The following IGSF11 variants were observed in gnomAD, a reference collection of about 807,000 sequenced individuals.
IGSF11 encodes the protein CXADR like 1.
In IGSF11, 22 loss-of-function variants were observed where a neutral mutation model predicts 41.0. The ratio of observed to expected loss-of-function variants is 0.54; its 90% confidence interval spans 0.38 to 0.77. The LOEUF (loss-of-function observed/expected upper bound fraction) is 0.77, where lower values mean the gene tolerates loss of function less well. Ranked by LOEUF, IGSF11 falls within the 30% of genes least tolerant of loss-of-function variation. The probability of loss-of-function intolerance (pLI) is 0.00; values close to 1 mark genes in which losing one functional copy is unlikely to be tolerated. For missense variants in IGSF11, 444 were observed against 530.8 expected, an observed-to-expected ratio of 0.84 and a Z score of 1.61; for synonymous variants, 219 against 201.3, an observed-to-expected ratio of 1.09 and a Z score of -0.74.
At chr3:119,101,471 C>T (rs1254963679) in intron 1 of IGSF11, among the ~76,000 whole-genome samples, 1 of 152,060 alleles carries the variant, frequency 6.6e-6, no homozygotes, top group African/African-American at 2.4e-5. Context: ...ATCATCCCAT[C>T]CCGCACTCCA....
At chr3:119,001,556 G>C (rs1479263760) in intron 1 of IGSF11, among the ~76,000 whole-genome samples, 1 of 141,620 alleles carries the variant, frequency 7.1e-6, no homozygotes, top group East Asian at 2.1e-4. Flanking sequence ...GTGCCATGCT[G>C]GTGCGCTGCA....
chr3:118,902,477 G>T lies in IGSF11; in HGVS notation c.*43C>A. On this transcript the variant is annotated 3_prime_UTR_variant, in exon 7 of 7. Coordinates refer to ENST00000393775, the MANE Select transcript of IGSF11 (RefSeq NM_001015887.3). ...ACCCCACCCTCCCCCTTGTATGAGG[G>T]CATTCCATTTATTCATTTCTGAACA... 5 of 1,092,568 alleles carry T rather than the reference G, an allele frequency of 4.6e-6. No individual in the cohort carries two copies. Among genetic ancestry groups the T allele is most frequent in the Non-Finnish European group, 6.9e-6 (5 of 723,816 alleles). 67.7% of individuals were successfully genotyped at this position (1,092,568 alleles called of 1,614,324 possible).
chr3:119,085,907 A>T (rs2076663389), intron 1 of IGSF11, among the ~76,000 whole-genome samples: 1 of 152,246 alleles, frequency 6.6e-6, no homozygotes, highest in African/African-American at 2.4e-5. Context: ...GAAGGGTTTT[A>T]TTGAAAATGA....
chr3:118,907,435 A>G (rs895767268), intron 4 of IGSF11, among the ~76,000 whole-genome samples: 13 of 152,182 alleles, frequency 8.5e-5, no homozygotes, highest in Non-Finnish European at 1.9e-4. Flanking sequence ...AATAAGTGCC[A>G]GCCAGTGCTA....
chr3:119,137,419 A>G (rs975673017), intron 1 of IGSF11, among the ~76,000 whole-genome samples: 3 of 152,220 alleles, frequency 2.0e-5, no homozygotes, highest in Non-Finnish European at 4.4e-5. Context: ...AAATCTATAC[A>G]TCTACAATGA....
intron 1 of IGSF11, among the ~76,000 whole-genome samples, chr3:118,937,931 G>A (rs1434666473): frequency 1.3e-5 from 2 of 151,660 alleles, no homozygotes; most frequent in Non-Finnish European, 2.9e-5. Flanking sequence ...CCATCCCAAG[G>A]GCAAAGAGCA....
upstream of IGSF11, among the ~76,000 whole-genome samples, chr3:119,108,222 A>C (rs199693819): frequency 0.057 from 4,467 of 78,060 alleles, no homozygotes; most frequent in Middle Eastern, 0.13. Context: ...ACCCATGAGC[A>C]TGGAATGTTC....
intron 1 of IGSF11, among the ~76,000 whole-genome samples, chr3:118,982,882 T>C (rs1158006320): frequency 6.6e-6 from 1 of 152,228 alleles, no homozygotes; most frequent in Non-Finnish European, 1.5e-5. Context: ...TACAATGTCC[T>C]ATATGCATTC....
chr3:118,936,503 T>A (rs962952854), intron 1 of IGSF11, among the ~76,000 whole-genome samples: 1 of 138,640 alleles, frequency 7.2e-6, no homozygotes, highest in Non-Finnish European at 1.5e-5. Context: ...TGAGATTTCA[T>A]CTCAAAAAAA....
chr3:118,938,793 CAGT>C (rs1295850768), intron 1 of IGSF11, among the ~76,000 whole-genome samples: 54 of 152,246 alleles, frequency 3.5e-4, no homozygotes, highest in African/African-American at 1.1e-3. Flanking sequence ...TTTGGGAAAG[CAGT>C]AGCATGTGAA....
At chr3:118,993,388 CTG>C (rs1446931362) in intron 1 of IGSF11, among the ~76,000 whole-genome samples, 22 of 152,282 alleles carry the variant, frequency 1.4e-4, no homozygotes, top group Admixed American at 1.4e-3. Flanking sequence ...TATGGAGAAA[CTG>C]GAGCTTTCAG....
At chr3:118,905,298 A>G (rs1413216357) in intron 5 of IGSF11, among the ~76,000 whole-genome samples, 1 of 152,252 alleles carries the variant, frequency 6.6e-6, no homozygotes, top group Non-Finnish European at 1.5e-5. Flanking sequence ...AAGTCTTACT[A>G]TACTCATAAG....
intron 1 of IGSF11, among the ~76,000 whole-genome samples, chr3:119,034,100 C>T (rs1324056614): frequency 2.0e-5 from 3 of 152,178 alleles, no homozygotes; most frequent in Admixed American, 2.0e-4. Context: ...TAAAAGGTTA[C>T]GTTAAAGCTA....
chr3:119,051,106 G>C (rs188986036), intron 1 of IGSF11, among the ~76,000 whole-genome samples: 2,589 of 151,106 alleles, frequency 0.017, 30 homozygotes, highest in Non-Finnish European at 0.027. Flanking sequence ...TGTAACTAAC[G>C]TGCACAATGT....
chr3:119,063,919 G>C (rs916196954), intron 1 of IGSF11, among the ~76,000 whole-genome samples: 3 of 152,216 alleles, frequency 2.0e-5, no homozygotes, highest in Non-Finnish European at 4.4e-5. Context: ...CTGCATTTTA[G>C]CAAATGAGCT....
rs147053288 is a variant in IGSF11, at chr3:118,902,931, A to G, written c.885T>C (p.Ser295=). The change falls in exon 7 of 7, where the codon TCT becomes TCC. Residue 295 remains serine, a synonymous_variant. Coordinates refer to ENST00000393775, the MANE Select transcript of IGSF11 (RefSeq NM_001015887.3). The part of the protein sequence containing the change: ...REDDLPPKCS[S]AKAFHTEISS... ...AAATCTCAGTGTGAAATGCTTTGGCAGAAGAACACTTGGGTGGAAGATCAT... is the reference window on the plus strand; with the variant it reads ...AAATCTCAGTGTGAAATGCTTTGGCGGAAGAACACTTGGGTGGAAGATCAT... 1.2e-6 allele frequency: 2 copies of G among 1,613,898 alleles called. No individual in the cohort carries two copies. Among genetic ancestry groups the G allele is most frequent in the African/African-American group, 2.7e-5 (2 of 74,930 alleles).
chr3:118,900,747 C>T lies in IGSF11; in HGVS notation c.*1773G>A, dbSNP rs1012284361. The T allele has an allele frequency of 2.6e-5, 4 of 152,440 alleles. No homozygotes were observed. The highest frequency in any genetic ancestry group is 4.4e-5 in the Non-Finnish European group (3 of 68,004). 9.4% of individuals were successfully genotyped at this position (152,440 alleles called of 1,614,324 possible). On this transcript the variant is annotated 3_prime_UTR_variant, in exon 7 of 7. Transcript: ENST00000393775. ...CATCTTTTCAGTGTCATGGTATTTT[C>T]ACTTTTCTTTATAAAAAGTATAGAC... is the stretch of plus-strand genomic sequence containing the variant.
At chr3:119,047,270 C>T (rs1048161258) in intron 1 of IGSF11, among the ~76,000 whole-genome samples, 5 of 151,980 alleles carry the variant, frequency 3.3e-5, no homozygotes, top group African/African-American at 9.7e-5. Context: ...TGCAGAGACA[C>T]ACATTGGCTC....
chr3:119,079,424 A>G (rs932541361), intron 1 of IGSF11, among the ~76,000 whole-genome samples: 1 of 152,144 alleles, frequency 6.6e-6, no homozygotes, highest in South Asian at 2.1e-4. Context: ...GAATGCTTAT[A>G]CTCTGTTGAT....
Sources: gnomAD v4.1 joint callset for allele counts (sites outside exome capture counted in the v4.1 genomes callset) on GRCh38, gnomAD v4.1.1 for gene constraint, MANE v1.5 for transcripts, NCBI Gene and HGNC (gene_info 2026-07-23, HGNC 2026-07-21) for gene names.